ZZZ3: variants seen among roughly 807,000 people sequenced by gnomAD.
The protein encoded by ZZZ3 is zinc finger ZZ-type containing 3.
Under a neutral mutation model 95.2 loss-of-function variants are expected in ZZZ3, and 22 were observed. The observed-to-expected ratio is 0.23, with a 90% CI of 0.17 to 0.33. The LOEUF is 0.33. Among genes scored for constraint, ZZZ3 ranks in the 10% least tolerant of loss-of-function variants. ZZZ3 has a pLI of 1.00. For synonymous variants in ZZZ3, 335 were observed against 358.9 expected (o/e 0.93, Z 0.75); for missense variants, 885 against 1,066.5 (o/e 0.83, Z 2.37).
intron 1 of ZZZ3, among the ~76,000 whole-genome samples, chr1:77,651,885 C>T (rs772320140): frequency 6.6e-6 from 1 of 151,816 alleles, no homozygotes; most frequent in Non-Finnish European, 1.5e-5. Flanking sequence ...GGCGTGGTGG[C>T]GTGCATCTGT....
At position 77,633,240 on chromosome 1, in the gene ZZZ3, T is replaced by G. The variant is rs564497308; in HGVS notation, c.115A>C (p.Ile39Leu). 6.2e-7 allele frequency: 1 copy of G among 1,614,110 alleles called. No individual in the cohort carries two copies. Among genetic ancestry groups the G allele is most frequent in the East Asian group, 2.2e-5 (1 of 44,868 alleles). The change falls in exon 5 of 15, where the codon ATC (isoleucine) becomes CTC (leucine). Residue 39 changes from isoleucine (I) to leucine (L), a missense_variant. Physicochemically the swap from Ile to Leu is conservative, Grantham distance 5 (BLOSUM62 2). Coordinates refer to ENST00000370801, the MANE Select transcript of ZZZ3 (RefSeq NM_015534.6). ...GATCGTACTTGAGAATTAGAAGAGA[T>G]TTCTTCAGGATGCGCAATGCTACGA... Reference protein sequence around the residue: ...RNRSIAHPEEISSNSQVRSRS... With the variant: ...RNRSIAHPEELSSNSQVRSRS...
intron 5 of ZZZ3, among the ~76,000 whole-genome samples, chr1:77,591,837 T>C (rs576554341): frequency 1.1e-4 from 17 of 152,288 alleles, no homozygotes; most frequent in Admixed American, 3.3e-4. Context: ...TTCAGAAGTA[T>C]GGACAAATCA....
chr1:77,589,761 A>G (rs747934939), intron 5 of ZZZ3, among the ~76,000 whole-genome samples: 5 of 152,146 alleles, frequency 3.3e-5, no homozygotes, highest in Non-Finnish European at 5.9e-5. Context: ...TGCTCGGCCT[A>G]TAAGTTAATT....
At chr1:77,606,588 C>G (rs1318663351) in intron 5 of ZZZ3, among the ~76,000 whole-genome samples, 1 of 152,202 alleles carries the variant, frequency 6.6e-6, no homozygotes, top group African/African-American at 2.4e-5. Context: ...GTGGTGGTGG[C>G]CACAGGGGTG....
intron 5 of ZZZ3, among the ~76,000 whole-genome samples, chr1:77,623,115 T>C (rs1040723841): frequency 6.6e-6 from 1 of 152,160 alleles, no homozygotes; most frequent in African/African-American, 2.4e-5. Flanking sequence ...AGACAGCATG[T>C]AACTGTGATC....
intron 1 of ZZZ3, among the ~76,000 whole-genome samples, chr1:77,672,245 C>T (rs1341132479): frequency 6.6e-6 from 1 of 152,116 alleles, no homozygotes; most frequent in African/African-American, 2.4e-5. Context: ...TGATAGGTGC[C>T]AGGGAACTAT....
chr1:77,646,073 C>T (rs765623507), intron 1 of ZZZ3, among the ~76,000 whole-genome samples: 2 of 151,818 alleles, frequency 1.3e-5, no homozygotes, highest in Non-Finnish European at 2.9e-5. Flanking sequence ...AGTTATGATA[C>T]ACCCTTTTAG....
At chr1:77,626,311 C>T (rs2100816053) in intron 5 of ZZZ3, among the ~76,000 whole-genome samples, 1 of 152,308 alleles carries the variant, frequency 6.6e-6, no homozygotes, top group Middle Eastern at 3.4e-3. Flanking sequence ...ATTACATTTA[C>T]TGTGTACTTT....
At chr1:77,575,215 T>A (rs1158872649) in intron 12 of ZZZ3, among the ~76,000 whole-genome samples, 1 of 152,012 alleles carries the variant, frequency 6.6e-6, no homozygotes, top group Non-Finnish European at 1.5e-5. Flanking sequence ...AAAGGGAGAA[T>A]TGAGCAATTA....
chr1:77,616,137 CT>C (rs1426128535), intron 5 of ZZZ3, among the ~76,000 whole-genome samples: 1 of 152,140 alleles, frequency 6.6e-6, no homozygotes, highest in Non-Finnish European at 1.5e-5. Context: ...AATCATGACT[CT>C]TTCCCCCCTC....
intron 1 of ZZZ3, among the ~76,000 whole-genome samples, chr1:77,667,783 TGA>T (rs1439866964): frequency 5.3e-5 from 7 of 132,592 alleles, no homozygotes; most frequent in African/African-American, 2.2e-4. Context: ...TTTTTTTTTT[TGA>T]GAGAGAGTCT....
At chr1:77,681,458 A>C (rs1672745498) in intron 1 of ZZZ3, among the ~76,000 whole-genome samples, 1 of 152,256 alleles carries the variant, frequency 6.6e-6, no homozygotes, top group African/African-American at 2.4e-5. Flanking sequence ...GAAAAAACAA[A>C]GGTATACTGT....
At chr1:77,596,053 A>G (rs892671774) in intron 5 of ZZZ3, among the ~76,000 whole-genome samples, 2 of 152,100 alleles carry the variant, frequency 1.3e-5, no homozygotes, top group Non-Finnish European at 2.9e-5. Context: ...CTGTTATAAC[A>G]AACAATGGTA....
intron 1 of ZZZ3, among the ~76,000 whole-genome samples, chr1:77,644,044 A>G (rs369694247): frequency 2.0e-5 from 3 of 152,118 alleles, no homozygotes; most frequent in East Asian, 3.8e-4. Context: ...AGATATGGTC[A>G]AAGACAGAAA....
At chr1:77,566,232 T>C (rs776348790) in intron 13 of ZZZ3, 51 bp from the exon 14 acceptor site, 2 of 1,335,530 alleles carry the variant, frequency 1.5e-6, no homozygotes, top group South Asian at 2.6e-5. Context: ...TTCCACGATC[T>C]TTTTTATTTT....
At chr1:77,657,262 G>A (rs1488084138) in intron 1 of ZZZ3, among the ~76,000 whole-genome samples, 12 of 152,136 alleles carry the variant, frequency 7.9e-5, no homozygotes, top group African/African-American at 2.4e-4. Flanking sequence ...GATTACAGGC[G>A]TGAGCCACCG....
Position 77,632,573 on chromosome 1 carries a change from T to C in ZZZ3, c.782A>G (p.Tyr261Cys). The C allele has an allele frequency of 6.2e-7, 1 of 1,614,172 alleles. No homozygotes were observed. Among genetic ancestry groups the C allele is most frequent in the Non-Finnish European group, 8.5e-7 (1 of 1,180,016 alleles). The change falls in exon 5 of 15, where the codon TAT (tyrosine) becomes TGT (cysteine). Residue 261 changes from tyrosine (Y) to cysteine (C), a missense_variant. Tyr to Cys is a radical substitution (Grantham distance 194). Around this residue, in one of 5 missense-constraint regions of ZZZ3, gnomAD observed 556 missense variants for 652.9 expected, o/e 0.85. Transcript: ENST00000370801. The stretch of plus-strand genomic sequence containing the variant: ...TGTGCAAGGCACCTTATGGTCTATA[T>C]AACTGTCCTCCTTCCTACTATCAAG... ...MFLDSRKEDS[Y>C]IDHKVPCTDS...
In ZZZ3 at chr1:77,566,098, A is replaced by G; in HGVS notation, c.2550T>C (p.Cys850=). Residue 850 remains cysteine (C), a synonymous_variant, in exon 14 of 15, where the codon TGT becomes TGC. Coordinates refer to ENST00000370801, the MANE Select transcript of ZZZ3 (RefSeq NM_015534.6). ...DCPPEMSLDF[C]DSCSDCLHET... is the part of the protein sequence containing the mutation. The stretch of plus-strand genomic sequence containing the variant: ...ACACTTACCAGTCTGAACAAGAATC[A>G]CAGAAATCCAAAGACATTTCTGGAG... The G allele has an allele frequency of 6.2e-7, 1 of 1,612,898 alleles. No homozygotes were observed.
intron 5 of ZZZ3, among the ~76,000 whole-genome samples, chr1:77,625,560 G>T (rs189802404): frequency 2.0e-5 from 3 of 152,044 alleles, no homozygotes; most frequent in Non-Finnish European, 4.4e-5. Context: ...ACATAGAAAA[G>T]AAACAGATTA....
Sources: allele counts gnomAD v4.1 joint callset (sites outside exome capture counted in the v4.1 genomes callset), GRCh38; gene constraint gnomAD v4.1.1; regional missense constraint gnomAD v4.1.1; transcripts MANE v1.5; gene names NCBI Gene and HGNC (gene_info 2026-07-23, HGNC 2026-07-21).